OPN5: variants seen among roughly 807,000 people sequenced by gnomAD.
OPN5 encodes the protein opsin 5, also known as opsin-5.
In OPN5, 18 loss-of-function variants were observed where a neutral mutation model predicts 41.7. That is an observed-to-expected ratio of 0.43 (90% confidence interval 0.30 to 0.64). OPN5 has a LOEUF of 0.64. Ranked by LOEUF, OPN5 falls within the 30% of genes least tolerant of loss-of-function variation. OPN5 has a pLI of 0.13. For synonymous variants in OPN5, 178 were observed against 164.3 expected (o/e 1.08, Z -0.64); for missense variants, 318 against 434.5 (o/e 0.73, Z 2.38).
chr6:47,814,173 CCTT>C (rs958217721), intron 6 of OPN5, among the ~76,000 whole-genome samples: 4 of 149,378 alleles, frequency 2.7e-5, no homozygotes, highest in Admixed American at 6.6e-5. Context: ...TTTTTTTTTT[CCTT>C]CTTCTTCTTT....
At chr6:47,782,145 A>C (rs916898311) in exon 1 of OPN5, 3 of 1,613,632 alleles carry the variant, frequency 1.9e-6, no homozygotes, top group Non-Finnish European at 1.7e-6. Flanking sequence ...TTTTGCTTCC[A>C]AACTTTCTTG....
chr6:47,815,459 A>G (rs1260611129), intron 6 of OPN5, among the ~76,000 whole-genome samples: 1 of 152,190 alleles, frequency 6.6e-6, no homozygotes, highest in African/African-American at 2.4e-5. Flanking sequence ...GCAGGGATCA[A>G]TGATGCTGGC....
At chr6:47,816,015 C>G (rs138349569) in intron 6 of OPN5, among the ~76,000 whole-genome samples, 69 of 152,284 alleles carry the variant, frequency 4.5e-4, no homozygotes, top group African/African-American at 1.5e-3. Context: ...GCAACTATTA[C>G]TTAAAACATA....
intron 4 of OPN5, among the ~76,000 whole-genome samples, chr6:47,805,424 TTGTGTGTG>T (rs3031322): frequency 6.7e-6 from 1 of 150,372 alleles, no homozygotes. Flanking sequence ...ATATTATTAA[TTGTGTGTG>T]TGTGTGTGTG....
At chr6:47,808,953 G>A (rs1053406555) in intron 5 of OPN5, among the ~76,000 whole-genome samples, 4 of 152,196 alleles carry the variant, frequency 2.6e-5, no homozygotes, top group South Asian at 2.1e-4. Flanking sequence ...TTAAAGTTAA[G>A]TAAGCTGCCC....
intron 3 of OPN5, among the ~76,000 whole-genome samples, chr6:47,793,087 C>A (rs1773437229): frequency 6.7e-6 from 1 of 150,060 alleles, no homozygotes; most frequent in Admixed American, 6.7e-5. Flanking sequence ...AAATATACAA[C>A]TATACATATT....
chr6:47,801,204 C>T (rs1773758403), intron 4 of OPN5, among the ~76,000 whole-genome samples: 1 of 152,104 alleles, frequency 6.6e-6, no homozygotes, highest in South Asian at 2.1e-4. Context: ...GCCACTGGAC[C>T]CTACAGCGTG....
chr6:47,811,755 C>T (rs1774213586), intron 6 of OPN5, 24 bp downstream of exon 6: 1 of 1,520,928 alleles, frequency 6.6e-7, no homozygotes, highest in South Asian at 1.1e-5. Context: ...TACAGCATCA[C>T]TATGGACACT....
At position 47,815,189 on chromosome 6, in the gene OPN5, T is replaced by C. The variant is rs1404857871; in HGVS notation, c.1056+3458T>C. On this transcript the variant is annotated intron_variant, in intron 6 of 6. Coordinates refer to ENST00000371211, the Ensembl canonical transcript of OPN5. ...AATATATTTCACAGTAAAATCCAAG[T>C]TTTTGACTTTTAGAAATGTAATTTC... Among the ~76,000 whole-genome samples, 4 of 152,210 alleles carry C rather than the reference T, an allele frequency of 2.6e-5. No homozygotes were observed. The East Asian group carries it at 5.8e-4, about 22-fold the overall frequency.
intron 4 of OPN5, among the ~76,000 whole-genome samples, chr6:47,803,557 T>C (rs1278955302): frequency 6.6e-6 from 1 of 152,216 alleles, no homozygotes; most frequent in East Asian, 1.9e-4. Flanking sequence ...TGAAATATCT[T>C]TGTTATCCCC....
chr6:47,819,704 C>A (rs957106983), intron 6 of OPN5, among the ~76,000 whole-genome samples: 2 of 151,868 alleles, frequency 1.3e-5, no homozygotes, highest in Non-Finnish European at 2.9e-5. Flanking sequence ...CAGAAAATAC[C>A]CTGCTGGTTT....
chr6:47,791,771 A>G (rs956584375), intron 2 of OPN5, 31 bp from the exon 3 acceptor site: 2 of 1,607,590 alleles, frequency 1.2e-6, no homozygotes, highest in African/African-American at 1.3e-5. Flanking sequence ...AACCAGAGGA[A>G]CGTCTGTTGA....
At chr6:47,808,685 A>G (rs1230844040) in intron 5 of OPN5, among the ~76,000 whole-genome samples, 1 of 152,174 alleles carries the variant, frequency 6.6e-6, no homozygotes, top group Admixed American at 6.5e-5. Flanking sequence ...CATGGCTCGT[A>G]CATTGCATAT....
At chr6:47,806,343 T>C (rs1200800654) in intron 4 of OPN5, among the ~76,000 whole-genome samples, 1 of 152,328 alleles carries the variant, frequency 6.6e-6, no homozygotes. Flanking sequence ...GCACAAGTTT[T>C]AAATAAAAAC....
At position 47,782,129 on chromosome 6, in the gene OPN5, G is replaced by T. The variant is rs1169855345; in HGVS notation, c.63G>T (p.Gly21=). 5 of 1,613,504 alleles carry T rather than the reference G, an allele frequency of 3.1e-6. No individual in the cohort carries two copies. In the South Asian group the frequency reaches 4.4e-5, roughly 14 times the overall value. Residue 21 remains glycine (G), a synonymous_variant, in exon 1 of 7, where the codon GGG becomes GGT. Coordinates refer to ENST00000371211, the Ensembl canonical transcript of OPN5. ...GCCTGCCCCATTACCTTCGAGATGG[G>T]GATCCTTTTGCTTCCAAACTTTCTT...
At chr6:47,819,051 C>T (rs1189036878) in intron 6 of OPN5, among the ~76,000 whole-genome samples, 1 of 151,954 alleles carries the variant, frequency 6.6e-6, no homozygotes, top group African/African-American at 2.4e-5. Flanking sequence ...AGGAGAGCAA[C>T]AACTTCTAGA....
intron 6 of OPN5, among the ~76,000 whole-genome samples, chr6:47,818,402 G>A (rs916451824): frequency 6.6e-6 from 1 of 152,188 alleles, no homozygotes; most frequent in Non-Finnish European, 1.5e-5. Context: ...CACTGAAGCA[G>A]CAAGTTACTC....
At chr6:47,796,213 A>G (rs1773564748) in intron 4 of OPN5, among the ~76,000 whole-genome samples, 4 of 152,208 alleles carry the variant, frequency 2.6e-5, no homozygotes, top group South Asian at 4.1e-4. Flanking sequence ...CTAGATATTT[A>G]GCTTTCTTGA....
chr6:47,791,822 A>G lies in OPN5; in HGVS notation c.271A>G (p.Ile91Val), dbSNP rs985983285. Reference sequence around the variant, plus strand: ...TCTAGTTGTAGGCAAGCCGTTCACCATCATCTCTTGCTTTTGTCACCGCTG... The same window carrying G: ...TCTAGTTGTAGGCAAGCCGTTCACCGTCATCTCTTGCTTTTGTCACCGCTG... Residue 91 changes from isoleucine to valine, a missense_variant, in exon 3 of 7, where the codon ATC (isoleucine) becomes GTC (valine). Transcript: ENST00000371211. 4 of 1,614,038 alleles carry G rather than the reference A, an allele frequency of 2.5e-6. No individual in the cohort carries two copies. In the East Asian group the frequency reaches 8.9e-5, roughly 36 times the overall value.
Sources: gnomAD v4.1 joint callset for allele counts (sites outside exome capture counted in the v4.1 genomes callset) on GRCh38, gnomAD v4.1.1 for gene constraint, MANE v1.5 for transcripts, NCBI Gene and HGNC (gene_info 2026-07-23, HGNC 2026-07-21) for gene names.